The following OSBPL10 variants were observed in gnomAD, a reference collection of about 807,000 sequenced individuals.
The protein encoded by OSBPL10 is oxysterol-binding protein-related protein 10.
In OSBPL10, 49 loss-of-function variants were observed where a neutral mutation model predicts 81.7. The ratio of observed to expected loss-of-function variants is 0.60; its 90% CI spans 0.48 to 0.76. The LOEUF is 0.76. Ranked by LOEUF, OSBPL10 falls within the 30% of genes least tolerant of loss-of-function variation. The pLI, the probability that OSBPL10 is intolerant of heterozygous loss-of-function variation, is 0.00. For missense variants in OSBPL10, 923 were observed against 987.8 expected (o/e 0.93, Z 0.88); for synonymous variants, 419 against 383.6 (o/e 1.09, Z -1.08).
chr3:32,057,156 G>A (rs1037500937), intron 1 of OSBPL10, among the ~76,000 whole-genome samples: 12 of 152,184 alleles, frequency 7.9e-5, no homozygotes, highest in Admixed American at 6.5e-5. Context: ...CCTCTGTGTA[G>A]CATATAATCA....
intron 2 of OSBPL10, among the ~76,000 whole-genome samples, chr3:32,008,208 T>C (rs1699222875): frequency 6.7e-6 from 1 of 150,290 alleles, no homozygotes; most frequent in Admixed American, 6.6e-5. Context: ...AGTCTCGCCG[T>C]GTTGCCCAGG....
At chr3:31,769,467 AAAC>A (rs1416168079) in intron 4 of OSBPL10, among the ~76,000 whole-genome samples, 2 of 100,960 alleles carry the variant, frequency 2.0e-5, no homozygotes, top group African/African-American at 6.9e-5. Context: ...AACAAAAAAA[AAAC>A]AAAAAAAAAC....
Position 31,670,991 on chromosome 3 carries a change from G to A in OSBPL10, c.1727-8C>T, listed in dbSNP as rs1224199942. ...CCAGGAGCCTCAACACACCTCCAGG[G>A]AGAGAGGAGGGAGAGTTAGGCATGC... On this transcript the variant is annotated splice_polypyrimidine_tract_variant and splice_region_variant and intron_variant, in intron 8 of 11. Coordinates refer to ENST00000396556, the MANE Select transcript of OSBPL10 (RefSeq NM_017784.5). 6.2e-7 allele frequency: 1 copy of A among 1,603,130 alleles called. No individual in the cohort carries two copies. The highest frequency in any genetic ancestry group is 8.5e-7 in the Non-Finnish European group (1 of 1,173,948).
chr3:31,852,031 C>T (rs770595189), intron 3 of OSBPL10, among the ~76,000 whole-genome samples: 5 of 152,192 alleles, frequency 3.3e-5, no homozygotes, highest in Non-Finnish European at 5.9e-5. Context: ...ACTGAAACAC[C>T]ATTCCCAGCA....
intron 4 of OSBPL10, among the ~76,000 whole-genome samples, chr3:31,812,816 A>AAGAGAGAGAGAG (rs113963524): frequency 1.2e-4 from 4 of 32,420 alleles, no homozygotes; most frequent in Non-Finnish European, 1.7e-4. Flanking sequence ...GAAAGAAAGA[A>AAGAGAGAGAGAG]AGAGAAAGAA....
At chr3:31,708,964 C>T (rs1040588627) in intron 6 of OSBPL10, 21 of 985,454 alleles carry the variant, frequency 2.1e-5, no homozygotes, top group South Asian at 4.7e-5. Context: ...CTCCTGCACA[C>T]GTACTATCCT....
chr3:31,856,258 T>TA (rs1015894066), intron 3 of OSBPL10, among the ~76,000 whole-genome samples: 1 of 152,008 alleles, frequency 6.6e-6, no homozygotes, highest in East Asian at 1.9e-4. Context: ...TTAAGACAAT[T>TA]AAAAAAATCC....
rs1559541229 is a variant in OSBPL10, at chr3:31,981,024, CCCGCCGCCGAGCCCGG to C, written c.140_155del (p.Ala47GlyfsTer58). 6.8e-7 allele frequency: 1 copy of C among 1,472,696 alleles called. No homozygotes were observed. The highest frequency in any genetic ancestry group is 9.0e-7 in the Non-Finnish European group (1 of 1,116,240). The allele number at this position is 1,472,696 out of a possible 1,614,324, so 91.2% of individuals were successfully genotyped here. A position where few individuals can be genotyped will look rare whatever the true frequency, so the allele number is the denominator to read the frequency against. ...CAGAGCCCGGGCTGCTGCGGCTTCC[CCCGCCGCCGAGCCCGG>C]CCGCCGCCGACCGGCTGGAGACCCC... is the stretch of plus-strand genomic sequence containing the variant. On this transcript the variant is annotated frameshift_variant, in exon 1 of 12. Transcript: ENST00000396556. LOFTEE classifies it high-confidence loss of function. The surrounding 1 kb of genome is among the most constrained non-coding windows in gnomAD (Gnocchi z 4.5).
At chr3:31,965,487 A>C (rs192164609) in intron 1 of OSBPL10, among the ~76,000 whole-genome samples, 1,359 of 92,988 alleles carry the variant, frequency 0.015, 156 homozygotes, top group African/African-American at 0.071. Context: ...TATATTATCT[A>C]TTTTATATAA....
intron 1 of OSBPL10, among the ~76,000 whole-genome samples, chr3:31,895,068 A>G (rs564936831): frequency 2.0e-3 from 298 of 151,916 alleles, no homozygotes; most frequent in African/African-American, 6.8e-3. Context: ...CCAACCCGGA[A>G]AAGCTACCTC....
intron 4 of OSBPL10, among the ~76,000 whole-genome samples, chr3:31,780,915 C>A (rs1198145160): frequency 1.3e-5 from 2 of 150,940 alleles, no homozygotes; most frequent in Non-Finnish European, 2.9e-5. Context: ...ACCAATCTTA[C>A]TGAAAGTATT....
intron 3 of OSBPL10, among the ~76,000 whole-genome samples, chr3:31,843,924 G>A (rs1418687005): frequency 6.6e-6 from 1 of 152,214 alleles, no homozygotes; most frequent in Admixed American, 6.5e-5. Flanking sequence ...CAGCAGCCAT[G>A]AGTCCAGATG....
At chr3:32,039,571 A>G (rs1247265381) in intron 2 of OSBPL10, among the ~76,000 whole-genome samples, 1 of 151,866 alleles carries the variant, frequency 6.6e-6, no homozygotes, top group African/African-American at 2.4e-5. Flanking sequence ...AGGCAGGAGA[A>G]TCGCTTGAAC....
chr3:31,830,053 T>TAG lies in OSBPL10; in HGVS notation c.715_716insCT (p.His239ProfsTer7), dbSNP rs1353746999. On this transcript the variant is annotated frameshift_variant, in exon 4 of 12. Coordinates refer to ENST00000396556, the MANE Select transcript of OSBPL10 (RefSeq NM_017784.5). LOFTEE classifies it high-confidence loss of function. ...AGCAAAGCCTACCTCTCTGACTTCGTGAAGCTGGCCGGAATACTGACTCTT... is the reference window on the plus strand; with the variant it reads ...AGCAAAGCCTACCTCTCTGACTTCGTAGGAAGCTGGCCGGAATACTGACTCTT... 1 of 1,613,074 alleles carries TAG rather than the reference T, an allele frequency of 6.2e-7. No individual in the cohort carries two copies.
intron 4 of OSBPL10, among the ~76,000 whole-genome samples, chr3:31,824,888 T>G (rs1046284281): frequency 6.6e-6 from 1 of 152,194 alleles, no homozygotes; most frequent in African/African-American, 2.4e-5. Context: ...TACGCTCAAC[T>G]GTTTCCTAGT....
chr3:32,043,565 A>C (rs1699595469), intron 2 of OSBPL10, among the ~76,000 whole-genome samples: 1 of 152,154 alleles, frequency 6.6e-6, no homozygotes, highest in Non-Finnish European at 1.5e-5. Flanking sequence ...ATGTCCATGA[A>C]ATCTTCATAA....
intron 3 of OSBPL10, among the ~76,000 whole-genome samples, chr3:31,836,593 T>G (rs1380400647): frequency 6.9e-6 from 1 of 144,666 alleles, no homozygotes; most frequent in Non-Finnish European, 1.5e-5. Context: ...AACAGTTAAT[T>G]CAACTGCTCT....
At chr3:31,865,754 G>A (rs6778264) in intron 3 of OSBPL10, among the ~76,000 whole-genome samples, 3,861 of 152,240 alleles carry the variant, frequency 0.025, 149 homozygotes, top group African/African-American at 0.087. Flanking sequence ...TATAAAAGAG[G>A]TATTCAGTGT....
At chr3:31,948,663 C>T (rs1697772776) in intron 1 of OSBPL10, among the ~76,000 whole-genome samples, 2 of 152,204 alleles carry the variant, frequency 1.3e-5, no homozygotes, top group Non-Finnish European at 2.9e-5. Context: ...ATTCAATGCA[C>T]CCCAGGAGTG....
Sources: allele counts gnomAD v4.1 joint callset (sites outside exome capture counted in the v4.1 genomes callset), GRCh38; gene constraint gnomAD v4.1.1; non-coding constraint Gnocchi (gnomAD v3.1); transcripts MANE v1.5; gene names NCBI Gene and HGNC (gene_info 2026-07-23, HGNC 2026-07-21).